Variants in EP400 observed in about 807,000 individuals in gnomAD.
EP400 encodes E1A binding protein p400, also known as E1A-binding protein p400.
Under a neutral mutation model 354.1 loss-of-function variants are expected in EP400, and 105 were observed. That is an observed-to-expected ratio of 0.30 (90% CI 0.25 to 0.35). EP400 has a LOEUF of 0.35. Ranked by LOEUF, EP400 falls within the 10% of genes least tolerant of loss-of-function variation. The pLI is 1.00. For missense variants in EP400, 3,280 were observed against 4,121.0 expected (o/e 0.80, Z 5.59); for synonymous variants, 1,646 against 1,716.9 (o/e 0.96, Z 1.02).
intron 2 of EP400, among the ~76,000 whole-genome samples, chr12:131,966,763 G>A (rs946841696): frequency 6.6e-6 from 1 of 151,530 alleles, no homozygotes; most frequent in Non-Finnish European, 1.5e-5. Flanking sequence ...AATTAGCCGG[G>A]CATGGTGGCG....
At chr12:132,051,909 T>C (rs1336024344) in intron 41 of EP400, among the ~76,000 whole-genome samples, 3 of 152,140 alleles carry the variant, frequency 2.0e-5, no homozygotes, top group Non-Finnish European at 2.9e-5. Context: ...GCAGTGGGTG[T>C]CTTCCCAGAC....
intron 7 of EP400, 60 bp downstream of exon 7, chr12:131,987,950 G>A (rs997668488): frequency 1.8e-5 from 24 of 1,341,156 alleles, no homozygotes; most frequent in African/African-American, 3.0e-5. Flanking sequence ...TGAGTTTGCA[G>A]TGGTGTAAGT....
chr12:131,995,260 G>A (rs1424885180), intron 12 of EP400, among the ~76,000 whole-genome samples: 1 of 152,068 alleles, frequency 6.6e-6, no homozygotes, highest in Non-Finnish European at 1.5e-5. Flanking sequence ...TTGACTGAAT[G>A]TGCCGTTCAT....
At chr12:132,053,249 T>A in intron 42 of EP400, 25 bp downstream of exon 42, 1 of 1,612,520 alleles carries the variant, frequency 6.2e-7, no homozygotes. Context: ...CCCTTCTGCT[T>A]GAGTGGGAAA....
In EP400 at chr12:132,044,781, C is replaced by G. The variant is rs777538939; in HGVS notation, c.6631-19C>G. Reference sequence around the variant, plus strand: ...TCCTGTGAGTTCCACATCTCATGGGCCTTCCCTTCTCCATGCAGCTCTGGA... The same window carrying G: ...TCCTGTGAGTTCCACATCTCATGGGGCTTCCCTTCTCCATGCAGCTCTGGA... On this transcript the variant is annotated intron_variant, in intron 36 of 52. Transcript: ENST00000389561. 3 of 1,614,108 alleles carry G rather than the reference C, an allele frequency of 1.9e-6. No individual in the cohort carries two copies. The highest frequency in any genetic ancestry group is 1.6e-4 in the Middle Eastern group (1 of 6,062).
chr12:132,053,972 G>A lies in EP400; in HGVS notation c.7728+375G>A, dbSNP rs79478656. ...CACTTAGAGAGCAGGTACTGCCTGT[G>A]TCGGTGTCTCAAAGCATGCCCATGT... On this transcript the variant is annotated intron_variant, in intron 43 of 52. Coordinates refer to ENST00000389561, the MANE Select transcript of EP400 (RefSeq NM_015409.5). Among the ~76,000 whole-genome samples, 321 of 152,348 alleles carry A rather than the reference G, an allele frequency of 2.1e-3. 3 individuals are homozygous for A. Among genetic ancestry groups the A allele is most frequent in the African/African-American group, 7.3e-3 (305 of 41,576 alleles).
chr12:131,975,677 A>G (rs1423209549), intron 2 of EP400, among the ~76,000 whole-genome samples: 1 of 151,704 alleles, frequency 6.6e-6, no homozygotes, highest in African/African-American at 2.4e-5. Flanking sequence ...CTCCCATCCC[A>G]GCTTCCCAAG....
At chr12:131,989,886 T>G in intron 7 of EP400, 78 bp from the exon 8 acceptor site, 1 of 1,546,340 alleles carries the variant, frequency 6.5e-7, no homozygotes, top group South Asian at 1.2e-5. Context: ...CTGAGAAGAT[T>G]TAAAAAAAGT....
Position 132,013,372 on chromosome 12 carries a change from C to T in EP400, c.3612-118C>T, listed in dbSNP as rs758991740. ...CAGCCCCCCTTTTCAGGCATGTGCA[C>T]GTTGACATTTGCGGTGTCAAATTAC... On this transcript the variant is annotated intron_variant, in intron 17 of 52. Coordinates refer to ENST00000389561, the MANE Select transcript of EP400 (RefSeq NM_015409.5). The surrounding 1 kb of genome is among the most constrained non-coding windows in gnomAD (Gnocchi z 4.5). 24 of 1,411,856 alleles carry T rather than the reference C, an allele frequency of 1.7e-5. No homozygotes were observed. The highest frequency in any genetic ancestry group is 4.0e-4 in the Middle Eastern group (2 of 4,974). 87.5% of individuals were successfully genotyped at this position (1,411,856 alleles called of 1,614,324 possible).
rs1477292509 is a variant in EP400, at chr12:132,078,894, A to G, written c.*1221A>G. On this transcript the variant is annotated 3_prime_UTR_variant, in exon 53 of 53. Coordinates refer to ENST00000389561, the MANE Select transcript of EP400 (RefSeq NM_015409.5). ...TTTTTTTACTATGACAGGAAAATAA[A>G]TGCAATTTTAGTGGAATTGATTGAC... 1 of 152,254 alleles carries G rather than the reference A, an allele frequency of 6.6e-6. No individual in the cohort carries two copies. Among genetic ancestry groups the G allele is most frequent in the African/African-American group, 2.4e-5 (1 of 41,456 alleles). 9.4% of individuals were successfully genotyped at this position (152,254 alleles called of 1,614,324 possible).
intron 52 of EP400, among the ~76,000 whole-genome samples, chr12:132,077,095 T>C (rs1457019698): frequency 6.6e-6 from 1 of 152,264 alleles, no homozygotes; most frequent in Non-Finnish European, 1.5e-5. Flanking sequence ...CACTGGCATA[T>C]AGATTTCAAG....
Position 132,018,251 on chromosome 12 carries a change from T to C in EP400, c.4152T>C (p.Asn1384=), listed in dbSNP as rs1417060265. 6.2e-7 allele frequency: 1 copy of C among 1,613,066 alleles called. No individual in the cohort carries two copies. Among genetic ancestry groups the C allele is most frequent in the East Asian group, 2.2e-5 (1 of 44,874 alleles). The change falls in exon 21 of 53, where the codon AAT becomes AAC. Residue 1384 remains asparagine (N), a synonymous_variant. Transcript: ENST00000389561. This position sits in a 1 kb window ranked among gnomAD's most constrained non-coding sequence, Gnocchi z 4.0. ...LSMFDLIGLE[N]KITRHEAELL... ...TGTTTGATCTCATCGGCTTAGAAAA[T>C]AAAATCACTCGTCACGAGGCAGAGT... is the stretch of plus-strand genomic sequence containing the variant.
rs779780203 is a variant in EP400, at chr12:131,981,481, T to C, written c.1436-8T>C. 1.0e-5 allele frequency: 16 copies of C among 1,546,946 alleles called. No homozygotes were observed. The East Asian group carries it at 3.6e-4, about 35-fold the overall frequency. On this transcript the variant is annotated splice_polypyrimidine_tract_variant and splice_region_variant and intron_variant, in intron 3 of 52. Coordinates refer to ENST00000389561, the MANE Select transcript of EP400 (RefSeq NM_015409.5). ...ATCAAACTGCACCTTTTTTGAAAAT[T>C]ATTCTAGAGCAGTCTAAGAGGCCTC...
At position 132,077,565 on chromosome 12, in the gene EP400, C is replaced by T. The variant is rs2052266706; in HGVS notation, c.9264C>T (p.Asn3088=). The T allele has an allele frequency of 1.2e-6, 2 of 1,613,818 alleles. No homozygotes were observed. Among genetic ancestry groups the T allele is most frequent in the African/African-American group, 2.7e-5 (2 of 74,940 alleles). ...CGCTCCAGACTCCAGGCGCTCCCAA[C>T]CCAGCCCAGGTGCCCGCCAGCTCCG... ...SAPLQTPGAP[N]PAQVPASSDS... The change falls in exon 53 of 53, where the codon AAC becomes AAT. Residue 3088 remains asparagine (N), a synonymous_variant. Coordinates refer to ENST00000389561, the MANE Select transcript of EP400 (RefSeq NM_015409.5).
At chr12:132,001,594 C>G (rs1418542481) in intron 12 of EP400, among the ~76,000 whole-genome samples, 1 of 152,142 alleles carries the variant, frequency 6.6e-6, no homozygotes. Context: ...CTTCTCTAAA[C>G]TCCCCACAAG....
rs61944613 is a variant in EP400 at position 132,038,344 on chromosome 12, G to A, written c.6207+248G>A. Among the ~76,000 whole-genome samples, 27,338 of 152,194 alleles carry A rather than the reference G, an allele frequency of 0.18. 3,259 individuals carry two copies. Among genetic ancestry groups the A allele is most frequent in the East Asian group, 0.57 (2,944 of 5,164 alleles). On this transcript the variant is annotated intron_variant, in intron 32 of 52. Transcript: ENST00000389561. The surrounding 1 kb of genome is among the most constrained non-coding windows in gnomAD (Gnocchi z 4.2). ...GCCTGTCACCGAAGCAGTCGCTGCC[G>A]TCTTCATCTGCACTTTGCCACAGTC... is the stretch of plus-strand genomic sequence containing the variant.
chr12:132,035,816 G>A (rs936373056), intron 30 of EP400, among the ~76,000 whole-genome samples: 1 of 142,576 alleles, frequency 7.0e-6, no homozygotes, highest in Non-Finnish European at 1.5e-5. Context: ...AGGTTCACGC[G>A]GAACATCGTG....
intron 48 of EP400, chr12:132,065,288 C>T (rs1165551134): frequency 9.0e-6 from 2 of 222,492 alleles, no homozygotes; most frequent in Admixed American, 1.0e-4. Context: ...TCTCAGGTGA[C>T]CGCTGTAGGC....
intron 47 of EP400, among the ~76,000 whole-genome samples, chr12:132,064,023 G>GT (rs1565934045): frequency 1.1e-5 from 1 of 90,372 alleles, no homozygotes; most frequent in Admixed American, 1.1e-4. Flanking sequence ...AACCACTGAT[G>GT]ACCCCCCCCC....
Sources: allele counts gnomAD v4.1 joint callset (sites outside exome capture counted in the v4.1 genomes callset), GRCh38; gene constraint gnomAD v4.1.1; non-coding constraint Gnocchi (gnomAD v3.1); transcripts MANE v1.5; gene names NCBI Gene and HGNC (gene_info 2026-07-23, HGNC 2026-07-21).